NEK10: variants seen among roughly 807,000 people sequenced by gnomAD.
NEK10 encodes NIMA related kinase 10.
NEK10 carries 122 observed loss-of-function variants against 159.8 expected under a neutral mutation model. The observed-to-expected ratio is 0.76, with a 90% CI of 0.66 to 0.89. The LOEUF is 0.89. NEK10 is among the 40% of genes least tolerant of loss of function. The probability of loss-of-function intolerance (pLI) is 0.00; values close to 1 mark genes in which losing one functional copy is unlikely to be tolerated. For missense variants in NEK10, 1,342 were observed against 1,323.1 expected (o/e 1.01, Z -0.22); for synonymous variants, 466 against 457.1 (o/e 1.02, Z -0.25).
chr3:27,214,935 A>G, intron 23 of NEK10: 1 of 957,436 alleles, frequency 1.0e-6, no homozygotes, highest in Non-Finnish European at 1.7e-6. Flanking sequence ...GTGAGAAGAC[A>G]ATTCCTAATC....
At chr3:27,327,947 A>AG (rs2046128582) in intron 5 of NEK10, among the ~76,000 whole-genome samples, 1 of 148,870 alleles carries the variant, frequency 6.7e-6, no homozygotes, top group Admixed American at 6.7e-5. Flanking sequence ...AAAAAAAAAA[A>AG]CAAGAATATA....
Position 27,107,252 on chromosome 3 carries a change from C to T in NEK10, c.*4020G>A, listed in dbSNP as rs1335356499. Among the ~76,000 whole-genome samples, 1 of 152,060 alleles carries T rather than the reference C, an allele frequency of 6.6e-6. No individual in the cohort carries two copies. Among genetic ancestry groups the T allele is most frequent in the Non-Finnish European group, 1.5e-5 (1 of 68,008 alleles). On this transcript the variant is annotated 3_prime_UTR_variant, in exon 36 of 36. Transcript: ENST00000691995. ...AATTGGCAATATCCATCAGACACCC[C>T]ATGAAACTCATAAAATCTTTCCTGT... is the stretch of plus-strand genomic sequence containing the variant.
chr3:27,228,519 T>C (rs565840075), intron 23 of NEK10, among the ~76,000 whole-genome samples: 83 of 152,234 alleles, frequency 5.5e-4, no homozygotes, highest in African/African-American at 1.9e-3. Flanking sequence ...ATTTCTACCA[T>C]GGCCCATCAC....
intron 23 of NEK10, among the ~76,000 whole-genome samples, chr3:27,223,868 A>C (rs961709117): frequency 2.6e-5 from 4 of 152,166 alleles, no homozygotes; most frequent in African/African-American, 9.7e-5. Flanking sequence ...AACATACTCA[A>C]AACTAAATTA....
intron 3 of NEK10, among the ~76,000 whole-genome samples, chr3:27,349,452 G>GATGGT (rs2047808849): frequency 6.6e-6 from 1 of 152,010 alleles, no homozygotes; most frequent in African/African-American, 2.4e-5. Context: ...ATTCAACCAG[G>GATGGT]ATGGTGTCTT....
At chr3:27,300,939 A>G (rs912216913) in intron 13 of NEK10, among the ~76,000 whole-genome samples, 2 of 152,194 alleles carry the variant, frequency 1.3e-5, no homozygotes. Context: ...AGTAGACAGC[A>G]AGGAAAGCCT....
Position 27,314,348 on chromosome 3 carries a change from TA to T in NEK10, c.448-11del. The stretch of plus-strand genomic sequence containing the variant: ...AGCTATGGAGTATTTCCTAATAAAA[TA>T]AAAGCAACAAAACACATGTAAATGA... On this transcript the variant is annotated splice_polypyrimidine_tract_variant and intron_variant, in intron 6 of 35. Coordinates refer to ENST00000691995, the MANE Select transcript of NEK10 (RefSeq NM_001394966.1). 1 of 1,578,114 alleles carries T rather than the reference TA, an allele frequency of 6.3e-7. No homozygotes were observed. The highest frequency in any genetic ancestry group is 8.7e-7 in the Non-Finnish European group (1 of 1,152,932).
intron 23 of NEK10, among the ~76,000 whole-genome samples, chr3:27,239,854 T>C (rs570060538): frequency 6.6e-6 from 1 of 152,322 alleles, no homozygotes; most frequent in African/African-American, 2.4e-5. Context: ...ACTTCAATTA[T>C]ATGTAGGAAC....
chr3:27,294,610 T>A (rs530061745), intron 15 of NEK10, among the ~76,000 whole-genome samples: 1 of 152,214 alleles, frequency 6.6e-6, no homozygotes, highest in Non-Finnish European at 1.5e-5. Context: ...TCAAGTCCCA[T>A]GCCTGCACCT....
At chr3:27,129,325 C>T (rs1355146275) in intron 32 of NEK10, among the ~76,000 whole-genome samples, 4 of 152,080 alleles carry the variant, frequency 2.6e-5, no homozygotes, top group Non-Finnish European at 5.9e-5. Context: ...GGACACAGGG[C>T]CCGTGGGTTT....
At chr3:27,172,131 G>C (rs1411440236) in intron 28 of NEK10, among the ~76,000 whole-genome samples, 1 of 151,820 alleles carries the variant, frequency 6.6e-6, no homozygotes, top group Admixed American at 6.6e-5. Context: ...GAGGTCAAGA[G>C]AGCGAGACCT....
intron 25 of NEK10, among the ~76,000 whole-genome samples, chr3:27,195,236 G>T (rs1949461184): frequency 6.6e-6 from 1 of 152,156 alleles, no homozygotes; most frequent in South Asian, 2.1e-4. Context: ...CTAAAGATTG[G>T]CTGTGAGCCT....
intron 23 of NEK10, among the ~76,000 whole-genome samples, chr3:27,224,543 T>A (rs1272796615): frequency 1.3e-5 from 2 of 152,230 alleles, no homozygotes; most frequent in Non-Finnish European, 2.9e-5. Flanking sequence ...TGCACAGAAG[T>A]CCCATAAGAT....
intron 29 of NEK10, among the ~76,000 whole-genome samples, chr3:27,170,631 C>A (rs1946886712): frequency 6.6e-6 from 1 of 151,992 alleles, no homozygotes; most frequent in South Asian, 2.1e-4. Flanking sequence ...ACTCGGGAGG[C>A]GGAGGCAGGA....
chr3:27,239,729 G>A (rs1244208835), intron 23 of NEK10, among the ~76,000 whole-genome samples: 1 of 151,992 alleles, frequency 6.6e-6, no homozygotes, highest in Non-Finnish European at 1.5e-5. Context: ...GAAATTTAGG[G>A]AAAAAAGGCT....
chr3:27,271,668 A>G (rs933844788), intron 22 of NEK10, among the ~76,000 whole-genome samples: 3 of 152,124 alleles, frequency 2.0e-5, no homozygotes, highest in Admixed American at 2.0e-4. Context: ...AAAAACTAAT[A>G]TTGTTTGGAC....
intron 12 of NEK10, among the ~76,000 whole-genome samples, chr3:27,304,142 C>T (rs2149552143): frequency 6.6e-6 from 1 of 152,180 alleles, no homozygotes; most frequent in South Asian, 2.1e-4. Context: ...TGGAATTCTA[C>T]TTTTAAAAGA....
At chr3:27,248,647 T>C (rs1397140856) in intron 23 of NEK10, among the ~76,000 whole-genome samples, 11 of 152,258 alleles carry the variant, frequency 7.2e-5, no homozygotes, top group Admixed American at 3.3e-4. Context: ...TTAATTTCCA[T>C]GTGTTTGTAG....
intron 5 of NEK10, among the ~76,000 whole-genome samples, chr3:27,328,870 C>T (rs1339275210): frequency 6.6e-6 from 1 of 152,156 alleles, no homozygotes; most frequent in African/African-American, 2.4e-5. Flanking sequence ...CATTCTCACA[C>T]ATTGAGTGAG....
Sources: gnomAD v4.1 joint callset for allele counts (sites outside exome capture counted in the v4.1 genomes callset) on GRCh38, gnomAD v4.1.1 for gene constraint, MANE v1.5 for transcripts, NCBI Gene and HGNC (gene_info 2026-07-23, HGNC 2026-07-21) for gene names.